POFUT3: variants seen among roughly 807,000 people sequenced by gnomAD.
The protein encoded by POFUT3 is protein O-fucosyltransferase 3.
the POFUT3 span, among the ~76,000 whole-genome samples, chr8:33,469,315 GCAAAAACAAAAA>G: frequency 3.3e-5 from 5 of 152,216 alleles, no homozygotes; most frequent in African/African-American, 1.2e-4. Context: ...CGAAAAAAAA[GCAAAAACAAAAA>G]CAAAAACAAA....
the POFUT3 span, among the ~76,000 whole-genome samples, chr8:33,316,569 A>T: frequency 7.7e-6 from 1 of 129,160 alleles, no homozygotes; most frequent in African/African-American, 3.0e-5. Flanking sequence ...AAAACTACAA[A>T]AAAAAAGAAA....
At chr8:33,416,494 T>C in the POFUT3 span, among the ~76,000 whole-genome samples, 1 of 152,056 alleles carries the variant, frequency 6.6e-6, no homozygotes, top group South Asian at 2.1e-4. Context: ...GGAGGATCAC[T>C]TGAGGCCAGG....
chr8:33,334,404 G>A, the POFUT3 span, among the ~76,000 whole-genome samples: 1 of 152,114 alleles, frequency 6.6e-6, no homozygotes, highest in African/African-American at 2.4e-5. Flanking sequence ...TTTTAGTAGA[G>A]ACAGGGTTTC....
chr8:33,340,740 T>C, the POFUT3 span, among the ~76,000 whole-genome samples: 2 of 152,108 alleles, frequency 1.3e-5, no homozygotes, highest in Admixed American at 6.5e-5. Flanking sequence ...CAAAAAGACA[T>C]AGTAATCCTA....
the POFUT3 span, among the ~76,000 whole-genome samples, chr8:33,401,258 T>C: frequency 2.0e-5 from 3 of 152,182 alleles, no homozygotes; most frequent in African/African-American, 7.2e-5. Flanking sequence ...AGTGCTGGGA[T>C]CACAGGCATG....
the POFUT3 span, among the ~76,000 whole-genome samples, chr8:33,356,772 G>C: frequency 8.9e-4 from 135 of 152,130 alleles, no homozygotes; most frequent in African/African-American, 3.0e-3. Context: ...ATGGTAATGC[G>C]TAGGTTTTCT....
At chr8:33,444,269 G>C in the POFUT3 span, among the ~76,000 whole-genome samples, 1 of 152,090 alleles carries the variant, frequency 6.6e-6, no homozygotes, top group African/African-American at 2.4e-5. Context: ...CGGTGTAAAG[G>C]AGTAAGCCAG....
At chr8:33,359,558 G>A in the POFUT3 span, among the ~76,000 whole-genome samples, 3 of 152,026 alleles carry the variant, frequency 2.0e-5, no homozygotes, top group Admixed American at 1.3e-4. Context: ...CCACCAAGAG[G>A]CTTTGGATGT....
the POFUT3 span, among the ~76,000 whole-genome samples, chr8:33,397,930 C>T: frequency 2.0e-5 from 3 of 152,120 alleles, no homozygotes; most frequent in Non-Finnish European, 4.4e-5. Context: ...TTCTAAAAAG[C>T]AAGGTTTTAC....
the POFUT3 span, chr8:33,453,414 T>C: frequency 6.2e-7 from 1 of 1,614,102 alleles, no homozygotes; most frequent in Non-Finnish European, 8.5e-7. Context: ...AGAAATGAAT[T>C]AAGATGCGTA....
the POFUT3 span, among the ~76,000 whole-genome samples, chr8:33,456,786 T>C: frequency 6.7e-6 from 1 of 149,954 alleles, no homozygotes; most frequent in African/African-American, 2.4e-5. Flanking sequence ...TTTTTTTTTT[T>C]TGAGACAGAG....
At chr8:33,436,325 T>C in the POFUT3 span, 2 of 1,328,912 alleles carry the variant, frequency 1.5e-6, no homozygotes, top group Non-Finnish European at 2.2e-6. Context: ...TGGTCTCCAC[T>C]GCATCCTCTG....
the POFUT3 span, chr8:33,389,640 A>C: frequency 4.3e-6 from 7 of 1,614,182 alleles, no homozygotes; most frequent in Non-Finnish European, 4.2e-6. Flanking sequence ...GTTAGTGGCA[A>C]GTGGGAATGC....
chr8:33,374,473 T>C, the POFUT3 span, among the ~76,000 whole-genome samples: 2 of 152,118 alleles, frequency 1.3e-5, no homozygotes, highest in African/African-American at 4.8e-5. Flanking sequence ...AGGAGACTAA[T>C]GAAACGTGAT....
chr8:33,390,724 A>C, the POFUT3 span, among the ~76,000 whole-genome samples: 5 of 152,190 alleles, frequency 3.3e-5, no homozygotes, highest in Non-Finnish European at 7.3e-5. Context: ...ACTATGTTAC[A>C]GACCACTGCA....
chr8:33,334,930 A>G, the POFUT3 span, among the ~76,000 whole-genome samples: 1 of 152,216 alleles, frequency 6.6e-6, no homozygotes, highest in African/African-American at 2.4e-5. Flanking sequence ...CTGCTGGTGA[A>G]TTGATGGATT....
At chr8:33,355,581 A>G in the POFUT3 span, among the ~76,000 whole-genome samples, 397 of 152,286 alleles carry the variant, frequency 2.6e-3, 6 homozygotes, top group African/African-American at 9.0e-3. Context: ...GGATCTGCCA[A>G]TTGTTAGTTA....
At chr8:33,453,256 G>A in the POFUT3 span, 1 of 1,614,198 alleles carries the variant, frequency 6.2e-7, no homozygotes, top group Non-Finnish European at 8.5e-7. Flanking sequence ...GATGGAGGTA[G>A]GTCCGGTTGA....
the POFUT3 span, among the ~76,000 whole-genome samples, chr8:33,386,104 G>T: frequency 5.8e-4 from 84 of 145,728 alleles, no homozygotes; most frequent in African/African-American, 2.1e-3. Context: ...CACGAGAATC[G>T]CTTGAGCCTA....
Sources: gnomAD v4.1 joint callset for allele counts (sites outside exome capture counted in the v4.1 genomes callset) on GRCh38, gnomAD v4.1.1 for gene constraint, MANE v1.5 for transcripts, NCBI Gene and HGNC (gene_info 2026-07-23, HGNC 2026-07-21) for gene names.